The following MYBL2 variants were observed in gnomAD, a reference collection of about 807,000 sequenced individuals.
MYBL2 encodes the protein MYB proto-oncogene like 2, also known as myb-related protein B.
Under a neutral mutation model 79.9 loss-of-function variants are expected in MYBL2, and 28 were observed. The ratio of observed to expected loss-of-function variants is 0.35; its 90% CI spans 0.26 to 0.48. The LOEUF (loss-of-function observed/expected upper bound fraction) is 0.48. Ranked by LOEUF, MYBL2 falls within the 20% of genes least tolerant of loss-of-function variation. The probability of loss-of-function intolerance (pLI) is 0.99; values close to 1 mark genes in which losing one functional copy is unlikely to be tolerated. For synonymous variants in MYBL2, 378 were observed against 361.2 expected, an observed-to-expected ratio of 1.05 and a Z score of -0.53; for missense variants, 735 against 893.9, an observed-to-expected ratio of 0.82 and a Z score of 2.27.
At chr20:43,685,748 C>T (rs1451401688) in intron 4 of MYBL2, among the ~76,000 whole-genome samples, 15 of 150,658 alleles carry the variant, frequency 1.0e-4, no homozygotes, top group Admixed American at 9.2e-4. Context: ...GAGTGAGACA[C>T]TGTCTCAAAA....
chr20:43,672,393 C>G (rs1986888230), intron 1 of MYBL2, among the ~76,000 whole-genome samples: 1 of 150,474 alleles, frequency 6.6e-6, no homozygotes, highest in African/African-American at 2.5e-5. Flanking sequence ...GAGTTCAAGA[C>G]CAGTCTGGGT....
intron 4 of MYBL2, among the ~76,000 whole-genome samples, chr20:43,683,757 T>C (rs1987202132): frequency 6.6e-6 from 1 of 152,044 alleles, no homozygotes; most frequent in Non-Finnish European, 1.5e-5. Flanking sequence ...GGTTTCACCA[T>C]GTTGGTCAGG....
intron 7 of MYBL2, 60 bp from the exon 8 acceptor site, chr20:43,702,430 A>G: frequency 6.7e-7 from 1 of 1,489,022 alleles, no homozygotes; most frequent in South Asian, 1.3e-5. Context: ...CCCGTAATGA[A>G]TGAGTCCTCT....
chr20:43,677,780 G>C (rs956531739), intron 2 of MYBL2, among the ~76,000 whole-genome samples: 1 of 152,162 alleles, frequency 6.6e-6, no homozygotes, highest in Non-Finnish European at 1.5e-5. Flanking sequence ...CCCTCTGCCC[G>C]GCCACCACCC....
At chr20:43,681,319 A>G (rs948206923) in intron 2 of MYBL2, among the ~76,000 whole-genome samples, 3 of 152,132 alleles carry the variant, frequency 2.0e-5, no homozygotes, top group Admixed American at 1.3e-4. Flanking sequence ...AGTTCTCTTC[A>G]TAGAACGTTT....
chr20:43,705,497 C>A, intron 9 of MYBL2, 139 bp downstream of exon 9: 1 of 990,894 alleles, frequency 1.0e-6, no homozygotes, highest in Non-Finnish European at 1.4e-6. Context: ...AAAGCCCTCT[C>A]CTTTCTGGCC....
intron 5 of MYBL2, among the ~76,000 whole-genome samples, chr20:43,689,673 T>G (rs1417877436): frequency 1.3e-5 from 2 of 152,234 alleles, no homozygotes; most frequent in African/African-American, 2.4e-5. Context: ...CCCACACCTG[T>G]CTGCAGAGTA....
At chr20:43,689,110 CCT>C (rs562685656) in intron 5 of MYBL2, among the ~76,000 whole-genome samples, 78 of 152,222 alleles carry the variant, frequency 5.1e-4, no homozygotes, top group African/African-American at 1.6e-3. Flanking sequence ...ATATTGTTCC[CCT>C]GTTTTCCATC....
At position 43,683,607 on chromosome 20, in the gene MYBL2, G is replaced by A. The variant is rs138366916; in HGVS notation, c.279+721G>A. Among the ~76,000 whole-genome samples, 1,422 of 146,906 alleles carry A rather than the reference G, an allele frequency of 9.7e-3. 8 individuals are homozygous for A. Among genetic ancestry groups the A allele is most frequent in the African/African-American group, 0.022 (856 of 39,710 alleles). On this transcript the variant is annotated intron_variant, in intron 4 of 13. Coordinates refer to ENST00000217026, the MANE Select transcript of MYBL2 (RefSeq NM_002466.4). ...CTTGCTTTGTCGCTCAGGTTAGAGT[G>A]CAGTGGCGCGATCTCAGCTCACTGC... is the stretch of plus-strand genomic sequence containing the variant.
chr20:43,706,211 G>A (rs766614876), intron 9 of MYBL2, among the ~76,000 whole-genome samples: 1 of 152,148 alleles, frequency 6.6e-6, no homozygotes, highest in Non-Finnish European at 1.5e-5. Context: ...AAGGTTTCAG[G>A]TGCAAATTCG....
chr20:43,702,482 CT>C lies in MYBL2; in HGVS notation c.952-7del, dbSNP rs781127356. On this transcript the variant is annotated splice_polypyrimidine_tract_variant and splice_region_variant and intron_variant, in intron 7 of 13. Coordinates refer to ENST00000217026, the MANE Select transcript of MYBL2 (RefSeq NM_002466.4). The stretch of plus-strand genomic sequence containing the variant: ...TAATTGCAATTCCTAACCTCCCTCC[CT>C]GGACAGGACCCTGATGCTTGGTGTG... 6 of 1,586,742 alleles carry C rather than the reference CT, an allele frequency of 3.8e-6. No individual in the cohort carries two copies. The East Asian group carries it at 1.4e-4, about 36-fold the overall frequency.
At chr20:43,693,320 C>A (rs1385838647) in intron 6 of MYBL2, among the ~76,000 whole-genome samples, 1 of 152,050 alleles carries the variant, frequency 6.6e-6, no homozygotes, top group Non-Finnish European at 1.5e-5. Flanking sequence ...ATGTGAGCCA[C>A]CATGTCTGGC....
chr20:43,675,765 G>GTGTC (rs1371885004), intron 2 of MYBL2, among the ~76,000 whole-genome samples: 1 of 151,116 alleles, frequency 6.6e-6, no homozygotes, highest in Non-Finnish European at 1.5e-5. Context: ...GGGGCTTTGT[G>GTGTC]TGTGTGTGTG....
At chr20:43,680,070 G>A (rs1987108188) in intron 2 of MYBL2, among the ~76,000 whole-genome samples, 1 of 151,992 alleles carries the variant, frequency 6.6e-6, no homozygotes, top group East Asian at 1.9e-4. Flanking sequence ...TTGCTCTGTT[G>A]CCCATGCTGC....
intron 4 of MYBL2, 62 bp downstream of exon 4, chr20:43,682,948 T>TGTGA: frequency 6.7e-7 from 1 of 1,493,116 alleles, no homozygotes; most frequent in Non-Finnish European, 9.3e-7. Flanking sequence ...ACCTGGGGAC[T>TGTGA]GTGAGATTGC....
At position 43,669,015 on chromosome 20, in the gene MYBL2, C is replaced by T. The variant is rs6031025; in HGVS notation, c.20+1712C>T. ...AGTACCTGGGACTATGGGCACACGC[C>T]GCCACGCCTGGCTAATTTTTTGGAT... is the stretch of plus-strand genomic sequence containing the variant. On this transcript the variant is annotated intron_variant, in intron 1 of 13. Coordinates refer to ENST00000217026, the MANE Select transcript of MYBL2 (RefSeq NM_002466.4). 9.3e-3 allele frequency among the ~76,000 whole-genome samples: 1,417 copies of T among 152,300 alleles called. 12 individuals carry two copies. The highest frequency in any genetic ancestry group is 0.032 in the African/African-American group (1,335 of 41,574).
chr20:43,708,365 G>T (rs1987835362), intron 9 of MYBL2, among the ~76,000 whole-genome samples: 1 of 152,140 alleles, frequency 6.6e-6, no homozygotes, highest in Non-Finnish European at 1.5e-5. Flanking sequence ...CTCCTAAAGT[G>T]CTGGCATTAC....
chr20:43,667,381 TC>T, intron 1 of MYBL2, 78 bp downstream of exon 1: 1 of 859,054 alleles, frequency 1.2e-6, no homozygotes. Context: ...CCCCCGACCC[TC>T]CCCAGGCTCC....
chr20:43,715,403 A>T lies in MYBL2; in HGVS notation c.1974+120A>T. 2.7e-6 allele frequency: 4 copies of T among 1,488,640 alleles called. No homozygotes were observed. In the South Asian group the frequency reaches 5.2e-5, roughly 19 times the overall value. 92.2% of individuals were successfully genotyped at this position (1,488,640 alleles called of 1,614,324 possible). ...CCTTCTTAGCTCAGGGCCTTTGCAT[A>T]GGCTGTTCCTCTGCCTGGGTGCTTT... On this transcript the variant is annotated intron_variant, in intron 13 of 13. Coordinates refer to ENST00000217026, the MANE Select transcript of MYBL2 (RefSeq NM_002466.4).
Sources: gnomAD v4.1 joint callset for allele counts (sites outside exome capture counted in the v4.1 genomes callset) on GRCh38, gnomAD v4.1.1 for gene constraint, MANE v1.5 for transcripts, NCBI Gene and HGNC (gene_info 2026-07-23, HGNC 2026-07-21) for gene names.